Variants in NXPE2 observed in about 807,000 individuals in gnomAD.
NXPE2 encodes the protein NXPE family member 2.
In NXPE2, 34 loss-of-function variants were observed where a neutral mutation model predicts 34.4. The ratio of observed to expected loss-of-function variants is 0.99; its 90% CI spans 0.75 to 1.31. The LOEUF is 1.31. Among genes scored for constraint, NXPE2 ranks in the 40% most tolerant of loss-of-function variants. The probability of loss-of-function intolerance (pLI) is 0.00; values close to 1 mark genes in which losing one functional copy is unlikely to be tolerated. For missense variants in NXPE2, 649 were observed against 672.5 expected (o/e 0.97, Z 0.39); for synonymous variants, 235 against 231.3 (o/e 1.02, Z -0.15).
At chr11:114,553,893 G>C in the NXPE2 span, 2 of 977,080 alleles carry the variant, frequency 2.0e-6, no homozygotes, top group Non-Finnish European at 2.4e-6. Flanking sequence ...TTTAGATCGT[G>C]GAAGTCATCA....
the NXPE2 span, among the ~76,000 whole-genome samples, chr11:114,782,608 A>T: frequency 6.6e-6 from 1 of 152,176 alleles, no homozygotes; most frequent in Non-Finnish European, 1.5e-5. Flanking sequence ...TGAAGCTCAG[A>T]TAAGTAGTTT....
the NXPE2 span, among the ~76,000 whole-genome samples, chr11:114,472,888 G>T: frequency 1.3e-5 from 2 of 152,020 alleles, no homozygotes; most frequent in African/African-American, 4.8e-5. Flanking sequence ...AAATGAAGGT[G>T]GGGGGGTTGT....
downstream of NXPE2, among the ~76,000 whole-genome samples, chr11:114,710,985 C>T (rs1859600539): frequency 6.6e-6 from 1 of 151,996 alleles, no homozygotes; most frequent in African/African-American, 2.4e-5. Context: ...AAATAAGGAA[C>T]AAAAACTACA....
chr11:114,712,051 A>G (rs754849475), downstream of NXPE2, among the ~76,000 whole-genome samples: 7 of 152,220 alleles, frequency 4.6e-5, no homozygotes, highest in East Asian at 1.9e-4. Flanking sequence ...GAATATTGAC[A>G]TGCAAAAGAA....
chr11:114,791,465 A>G, the NXPE2 span, among the ~76,000 whole-genome samples: 2 of 152,220 alleles, frequency 1.3e-5, no homozygotes, highest in African/African-American at 4.8e-5. Flanking sequence ...GGGTGCGTAC[A>G]GAGATCTCTG....
chr11:114,707,879 A>G (rs1359389721), downstream of NXPE2, among the ~76,000 whole-genome samples: 1 of 152,168 alleles, frequency 6.6e-6, no homozygotes, highest in Non-Finnish European at 1.5e-5. Context: ...ATTTTCCTTC[A>G]TTTTTAAGAC....
the NXPE2 span, among the ~76,000 whole-genome samples, chr11:114,668,300 G>T: frequency 6.6e-6 from 1 of 151,788 alleles, no homozygotes; most frequent in Non-Finnish European, 1.5e-5. Flanking sequence ...CTGCTTGTCT[G>T]CTTCCTATTT....
chr11:114,582,085 C>G, the NXPE2 span, among the ~76,000 whole-genome samples: 2 of 152,034 alleles, frequency 1.3e-5, no homozygotes, highest in South Asian at 4.1e-4. Context: ...ATTTTTTTCC[C>G]ATTGATAAGA....
chr11:114,516,776 C>T, the NXPE2 span, among the ~76,000 whole-genome samples: 2 of 152,216 alleles, frequency 1.3e-5, no homozygotes, highest in African/African-American at 4.8e-5. Context: ...GGAATGCTTT[C>T]CCACCTTTTT....
the NXPE2 span, among the ~76,000 whole-genome samples, chr11:114,795,552 G>C: frequency 6.6e-6 from 1 of 152,180 alleles, no homozygotes; most frequent in Non-Finnish European, 1.5e-5. Context: ...TTTAGTCCCT[G>C]TTGCCCATCC....
the NXPE2 span, among the ~76,000 whole-genome samples, chr11:114,637,611 CT>C: frequency 6.6e-6 from 1 of 150,610 alleles, no homozygotes; most frequent in African/African-American, 2.4e-5. Context: ...CCGGTTGTTC[CT>C]TTCCATGTTC....
the NXPE2 span, among the ~76,000 whole-genome samples, chr11:114,717,719 T>C: frequency 6.6e-6 from 1 of 152,210 alleles, no homozygotes; most frequent in African/African-American, 2.4e-5. Context: ...ATCTTCCCAC[T>C]TCCCCCCACT....
At chr11:114,633,354 T>C in the NXPE2 span, among the ~76,000 whole-genome samples, 1 of 142,634 alleles carries the variant, frequency 7.0e-6, no homozygotes, top group Non-Finnish European at 1.5e-5. Context: ...ATGATTATAT[T>C]ATATATACTA....
intron 3 of NXPE2, among the ~76,000 whole-genome samples, chr11:114,702,059 C>T (rs925049688): frequency 6.6e-6 from 1 of 152,026 alleles, no homozygotes; most frequent in African/African-American, 2.4e-5. Flanking sequence ...AATGTTACTT[C>T]CTAGGATATT....
rs773266644 is a variant in NXPE2 at position 114,696,340 on chromosome 11, C to CAAAAA, written c.133-1690_133-1686dup. Reference sequence around the variant, plus strand: ...GAGTGAGACTCCATATCAAAAAAACCAAAAAAAAAAAAAAAAAAAGAAAGA... The same window carrying CAAAAA: ...GAGTGAGACTCCATATCAAAAAAACCAAAAAAAAAAAAAAAAAAAAAAAAGAAAGA... On this transcript the variant is annotated intron_variant, in intron 2 of 5. Transcript: ENST00000389586. Among the ~76,000 whole-genome samples the CAAAAA allele has an allele frequency of 2.0e-3, 131 of 64,420 alleles. 1 individual carries two copies. The highest frequency in any genetic ancestry group is 3.2e-3 in the African/African-American group (45 of 14,140). The allele number at this position is 64,420 out of a possible 152,430, so 42.3% of individuals were successfully genotyped here. A position where few individuals can be genotyped will look rare whatever the true frequency, so the allele number is the denominator to read the frequency against.
At chr11:114,741,191 T>C in the NXPE2 span, among the ~76,000 whole-genome samples, 1 of 151,890 alleles carries the variant, frequency 6.6e-6, no homozygotes. Flanking sequence ...ATGTATCTGC[T>C]GATATGGTTA....
At chr11:114,806,319 C>A in the NXPE2 span, among the ~76,000 whole-genome samples, 26 of 152,314 alleles carry the variant, frequency 1.7e-4, 1 homozygote, top group Non-Finnish European at 3.8e-4. Flanking sequence ...CAGCTCCTCA[C>A]CAGCAATGGA....
At chr11:114,706,285 T>C in intron 5 of NXPE2, 110 bp from the exon 6 acceptor site, 1 of 891,614 alleles carries the variant, frequency 1.1e-6, no homozygotes, top group Non-Finnish European at 1.6e-6. Context: ...ACATAGGCAA[T>C]AGTGCTTAGT....
chr11:114,716,311 T>C, the NXPE2 span, among the ~76,000 whole-genome samples: 1 of 152,166 alleles, frequency 6.6e-6, no homozygotes, highest in Non-Finnish European at 1.5e-5. Context: ...AGAAACTAGG[T>C]CTTTCTGCCT....
Sources: allele counts gnomAD v4.1 joint callset (sites outside exome capture counted in the v4.1 genomes callset), GRCh38; gene constraint gnomAD v4.1.1; transcripts MANE v1.5; gene names NCBI Gene and HGNC (gene_info 2026-07-23, HGNC 2026-07-21).